Variants in CACNA1A observed in about 807,000 individuals in gnomAD.
CACNA1A encodes the protein calcium voltage-gated channel subunit alpha1 A, also known as voltage-dependent P/Q-type calcium channel subunit alpha-1A.
CACNA1A carries 57 observed loss-of-function variants against 262.4 expected under a neutral mutation model. The observed-to-expected ratio is 0.22, with a 90% CI of 0.18 to 0.27. CACNA1A has a LOEUF of 0.27. CACNA1A is among the 10% of genes least tolerant of loss of function. The probability of loss-of-function intolerance (pLI) is 1.00; values close to 1 mark genes in which losing one functional copy is unlikely to be tolerated. For synonymous variants in CACNA1A, 1,431 were observed against 1,419.3 expected (o/e 1.01, Z -0.18); for missense variants, 2,526 against 3,562.8 (o/e 0.71, Z 7.41).
chr19:13,286,795 G>T lies in CACNA1A; in HGVS notation c.3261C>A (p.His1087Gln). 6.2e-7 allele frequency: 1 copy of T among 1,613,086 alleles called. No individual in the cohort carries two copies. Among genetic ancestry groups the T allele is most frequent in the Non-Finnish European group, 8.5e-7 (1 of 1,179,638 alleles). ...TGGCTGGGCTCTGGGGCAGGCCGGC[G>T]TGGCCAAGGCTGCCGTGGGGAGCGG... ...ESAAPHGSLG[H>Q]AGLPQSPAKM... Residue 1087 changes from histidine to glutamine, a missense_variant, in exon 20 of 47, where the codon CAC becomes CAA. Around this residue, in one of 17 missense-constraint regions of CACNA1A, gnomAD observed 765 missense variants for 748.6 expected, o/e 1.02. Coordinates refer to ENST00000360228, the MANE Select transcript of CACNA1A (RefSeq NM_001127222.2).
chr19:13,265,646 A>G (rs1353267002), intron 24 of CACNA1A, among the ~76,000 whole-genome samples: 3 of 152,074 alleles, frequency 2.0e-5, no homozygotes, highest in Non-Finnish European at 4.4e-5. Flanking sequence ...GGGCATAATC[A>G]TTTCTTTTTC....
chr19:13,505,637 AC>A (rs1173163190), intron 1 of CACNA1A, among the ~76,000 whole-genome samples: 1 of 151,904 alleles, frequency 6.6e-6, no homozygotes, highest in Non-Finnish European at 1.5e-5. Flanking sequence ...AGGCTCCTGC[AC>A]GACCCCAGGC....
chr19:13,208,640 G>T, intron 46 of CACNA1A, 116 bp downstream of exon 46: 1 of 1,317,152 alleles, frequency 7.6e-7, no homozygotes, highest in Non-Finnish European at 1.0e-6. Flanking sequence ...ATGGGAGGTG[G>T]TCACAGCCGG....
At position 13,209,007 on chromosome 19, in the gene CACNA1A, A is replaced by G; in HGVS notation, c.6529T>C (p.Leu2177=). 6.5e-7 allele frequency: 1 copy of G among 1,537,020 alleles called. No individual in the cohort carries two copies. The change falls in exon 46 of 47, where the codon TTG becomes CTG. Residue 2177 remains leucine, a splice_region_variant and synonymous_variant. Transcript: ENST00000360228. The part of the protein sequence containing the change: ...LGRYTDVDTG[L]GTDLSMTTQS... ...GTGGTCATGCTCAGGTCTGTCCCCA[A>G]GCCTGGGCCGGGTGAGGGTCAGACA...
Position 13,378,826 on chromosome 19 carries a change from C to T in CACNA1A, c.540-7047G>A, listed in dbSNP as rs1027885037. Among the ~76,000 whole-genome samples, 4 of 151,934 alleles carry T rather than the reference C, an allele frequency of 2.6e-5. No homozygotes were observed. In the East Asian group the frequency reaches 7.7e-4, roughly 29 times the overall value. ...GGGCTTATAGGTGTGCACCACCACA[C>T]CCGGCTATTTTTTTGTATTTTTCAT... On this transcript the variant is annotated intron_variant, in intron 3 of 46. Coordinates refer to ENST00000360228, the MANE Select transcript of CACNA1A (RefSeq NM_001127222.2).
intron 22 of CACNA1A, among the ~76,000 whole-genome samples, chr19:13,282,386 C>T (rs1459999141): frequency 6.6e-6 from 1 of 152,012 alleles, no homozygotes; most frequent in Admixed American, 6.6e-5. Context: ...TCTACCAGGC[C>T]CTGGGGTCAA....
intron 30 of CACNA1A, chr19:13,245,637 A>AGG (rs2056208872): frequency 5.0e-6 from 1 of 201,622 alleles, no homozygotes; most frequent in South Asian, 1.5e-4. Context: ...CCTGGAGGGA[A>AGG]GGGTTATCAC....
chr19:13,496,747 T>C (rs951089468), intron 1 of CACNA1A, among the ~76,000 whole-genome samples: 2 of 152,196 alleles, frequency 1.3e-5, no homozygotes, highest in African/African-American at 4.8e-5. Context: ...CCACACACTA[T>C]TCTCAGCAGT....
rs1204603119 is a variant in CACNA1A at position 13,285,160 on chromosome 19, CTCT to C, written c.3597_3599del (p.Glu1200del). 1 of 1,613,822 alleles carries C rather than the reference CTCT, an allele frequency of 6.2e-7. No homozygotes were observed. Among genetic ancestry groups the C allele is most frequent in the Non-Finnish European group, 8.5e-7 (1 of 1,179,890 alleles). ...GGTCGTCTTCCTCCTCCTCCTTCTT[CTCT>C]TCCTCTTTTTTTGGCAGTGGGTCTG... On this transcript the variant is annotated inframe_deletion, in exon 21 of 47. Coordinates refer to ENST00000360228, the MANE Select transcript of CACNA1A (RefSeq NM_001127222.2).
rs545213759 is a variant in CACNA1A, at chr19:13,305,365, C to T, written c.1987-1481G>A. The stretch of plus-strand genomic sequence containing the variant: ...AGGCAAAGGATTAGGTGTTGACAGA[C>T]GCAAGTTGTGCTGATGCATACTGAA... On this transcript the variant is annotated intron_variant, in intron 15 of 46. Transcript: ENST00000360228. Among the ~76,000 whole-genome samples, 53 of 152,276 alleles carry T rather than the reference C, an allele frequency of 3.5e-4. 1 individual carries two copies. In the South Asian group the frequency reaches 5.4e-3, roughly 15 times the overall value.
At chr19:13,369,316 C>A (rs115844380) in intron 4 of CACNA1A, among the ~76,000 whole-genome samples, 2,734 of 152,264 alleles carry the variant, frequency 0.018, 51 homozygotes, top group South Asian at 0.095. Context: ...AAAAGGCCGG[C>A]ATCCTTGCCA....
intron 3 of CACNA1A, among the ~76,000 whole-genome samples, chr19:13,424,356 T>A (rs139384328): frequency 2.3e-3 from 348 of 151,976 alleles, no homozygotes; most frequent in African/African-American, 8.0e-3. Flanking sequence ...GCAACAAGAG[T>A]GAGACTCCGT....
chr19:13,393,506 T>TCCC (rs777049491), intron 3 of CACNA1A, among the ~76,000 whole-genome samples: 2 of 70,102 alleles, frequency 2.9e-5, no homozygotes, highest in Admixed American at 1.7e-4. Context: ...CTTCCTTCCT[T>TCCC]TCCTTCCTTC....
intron 36 of CACNA1A, 77 bp from the exon 37 acceptor site, chr19:13,227,604 AAG>A (rs1197346824): frequency 1.5e-6 from 1 of 658,946 alleles, no homozygotes; most frequent in African/African-American, 1.9e-5. Flanking sequence ...GAACCAAAGG[AAG>A]AGAGGTGGGG....
chr19:13,331,259 CAG>C (rs745534769), intron 9 of CACNA1A, among the ~76,000 whole-genome samples: 1 of 151,938 alleles, frequency 6.6e-6, no homozygotes, highest in Non-Finnish European at 1.5e-5. Context: ...TTTTTTGAGA[CAG>C]AGTCTTGCTC....
intron 9 of CACNA1A, among the ~76,000 whole-genome samples, chr19:13,330,838 C>G (rs1185691686): frequency 6.6e-6 from 1 of 152,196 alleles, no homozygotes; most frequent in Non-Finnish European, 1.5e-5. Context: ...ATTTGCCTGC[C>G]TTGGCCTCCA....
chr19:13,497,556 ATATATATATATATATATATAT>A (rs1364796969), intron 1 of CACNA1A, among the ~76,000 whole-genome samples: 1,854 of 60,460 alleles, frequency 0.031, 514 homozygotes, highest in Non-Finnish European at 0.039. Flanking sequence ...ATATATATAT[ATATATATATATATATATATAT>A]ATAAATTTAT....
At chr19:13,287,926 C>CA (rs1029478921) in intron 19 of CACNA1A, among the ~76,000 whole-genome samples, 1 of 151,900 alleles carries the variant, frequency 6.6e-6, no homozygotes, top group Non-Finnish European at 1.5e-5. Context: ...TCTCAGCCTC[C>CA]AGGTAGCTGA....
intron 24 of CACNA1A, among the ~76,000 whole-genome samples, chr19:13,267,146 G>A (rs1374012595): frequency 2.6e-5 from 4 of 152,004 alleles, no homozygotes; most frequent in African/African-American, 9.7e-5. Flanking sequence ...GAGAGAGAGA[G>A]AAAGAGAGAG....
Sources: gnomAD v4.1 joint callset for allele counts (sites outside exome capture counted in the v4.1 genomes callset) on GRCh38, gnomAD v4.1.1 for gene constraint, gnomAD v4.1.1 regional missense constraint, MANE v1.5 for transcripts, NCBI Gene and HGNC (gene_info 2026-07-23, HGNC 2026-07-21) for gene names.